The following LDLRAD3 variants were observed in gnomAD, a reference collection of about 807,000 sequenced individuals.
LDLRAD3 encodes low-density lipoprotein receptor class A domain-containing protein 3.
In LDLRAD3, 20 loss-of-function variants were observed where a neutral mutation model predicts 29.4. The observed-to-expected ratio is 0.68, with a 90% CI of 0.48 to 0.99. The LOEUF is 0.99. LDLRAD3 is among the 50% of genes least tolerant of loss of function. The pLI is 0.00. For missense variants in LDLRAD3, 420 were observed against 454.3 expected (o/e 0.92, Z 0.69); for synonymous variants, 157 against 192.7 (o/e 0.81, Z 1.53).
chr11:36,007,670 A>G (rs947906374), intron 1 of LDLRAD3, among the ~76,000 whole-genome samples: 1 of 152,210 alleles, frequency 6.6e-6, no homozygotes, highest in East Asian at 1.9e-4. Context: ...CTTATGGTCC[A>G]TTTTATGAGC....
chr11:36,189,577 T>C (rs1309329056), intron 4 of LDLRAD3, among the ~76,000 whole-genome samples: 2 of 124,146 alleles, frequency 1.6e-5, no homozygotes, highest in Non-Finnish European at 3.5e-5. Context: ...ACGAATTTAC[T>C]TTTTTTTTAT....
intron 1 of LDLRAD3, among the ~76,000 whole-genome samples, chr11:36,030,439 TG>T (rs1852222387): frequency 3.5e-3 from 4 of 1,158 alleles, no homozygotes; most frequent in African/African-American, 0.01. Flanking sequence ...GCATGGAGTG[TG>T]TGTGTGTGTG....
intron 2 of LDLRAD3, among the ~76,000 whole-genome samples, chr11:36,048,436 C>T (rs1444229361): frequency 4.6e-5 from 7 of 152,224 alleles, no homozygotes; most frequent in South Asian, 2.1e-4. Context: ...CCTGGGGTCC[C>T]GGTGCTCCCT....
At chr11:36,198,064 A>G (rs2133371819) in intron 4 of LDLRAD3, among the ~76,000 whole-genome samples, 1 of 152,194 alleles carries the variant, frequency 6.6e-6, no homozygotes, top group South Asian at 2.1e-4. Flanking sequence ...AAAATACCAA[A>G]CAAACAGAAG....
At chr11:36,145,365 C>T (rs1465311162) in intron 4 of LDLRAD3, among the ~76,000 whole-genome samples, 2 of 100,006 alleles carry the variant, frequency 2.0e-5, no homozygotes, top group African/African-American at 9.5e-5. Flanking sequence ...GCCAGCCGCC[C>T]CGTCTGGGAG....
chr11:36,095,489 T>C (rs978542321), intron 3 of LDLRAD3, among the ~76,000 whole-genome samples: 6 of 152,236 alleles, frequency 3.9e-5, no homozygotes, highest in Non-Finnish European at 8.8e-5. Context: ...TGGCCCTTTT[T>C]TTCTATTGAG....
Position 35,977,218 on chromosome 11 carries a change from C to T in LDLRAD3, c.46+33074C>T, listed in dbSNP as rs116405445. On this transcript the variant is annotated intron_variant, in intron 1 of 5. Transcript: ENST00000315571. ...TGGCCCAAGATGACTGCTTGAATACCAGCCATGTCATCTGAATTCCAGTTG... is the reference window on the plus strand; with the variant it reads ...TGGCCCAAGATGACTGCTTGAATACTAGCCATGTCATCTGAATTCCAGTTG... 5.1e-3 allele frequency among the ~76,000 whole-genome samples: 773 copies of T among 152,232 alleles called. 10 individuals are homozygous for T. Among genetic ancestry groups the T allele is most frequent in the African/African-American group, 0.018 (737 of 41,548 alleles).
At chr11:35,960,384 T>C (rs989003100) in intron 1 of LDLRAD3, among the ~76,000 whole-genome samples, 2 of 152,206 alleles carry the variant, frequency 1.3e-5, no homozygotes, top group African/African-American at 4.8e-5. Context: ...TATAATAATA[T>C]CCTTGAAGTA....
intron 4 of LDLRAD3, among the ~76,000 whole-genome samples, chr11:36,162,968 A>T (rs1310091984): frequency 6.6e-6 from 1 of 152,190 alleles, no homozygotes; most frequent in Admixed American, 6.5e-5. Context: ...CCAAATACAG[A>T]CCCAAGAGAC....
intron 1 of LDLRAD3, among the ~76,000 whole-genome samples, chr11:35,964,429 T>TG (rs1851313964): frequency 6.6e-6 from 1 of 152,040 alleles, no homozygotes; most frequent in Admixed American, 6.6e-5. Context: ...CTTTGGTAGA[T>TG]GGGGTAGTGA....
At chr11:36,123,338 G>A (rs1325672206) in intron 4 of LDLRAD3, among the ~76,000 whole-genome samples, 2 of 152,188 alleles carry the variant, frequency 1.3e-5, no homozygotes, top group East Asian at 1.9e-4. Context: ...TCAGCTAATC[G>A]TAGCTCACCA....
chr11:36,024,805 G>T (rs1852142572), intron 1 of LDLRAD3, among the ~76,000 whole-genome samples: 1 of 152,232 alleles, frequency 6.6e-6, no homozygotes, highest in Non-Finnish European at 1.5e-5. Context: ...GCAGCCCCAT[G>T]TTGAGGGGCG....
intron 1 of LDLRAD3, among the ~76,000 whole-genome samples, chr11:35,957,909 C>A (rs1018250097): frequency 1.3e-5 from 2 of 151,752 alleles, no homozygotes; most frequent in Non-Finnish European, 1.5e-5. Context: ...ACAGAAATTA[C>A]CCGTTGACTC....
intron 4 of LDLRAD3, among the ~76,000 whole-genome samples, chr11:36,201,123 G>T (rs897288716): frequency 2.0e-5 from 3 of 152,196 alleles, no homozygotes; most frequent in African/African-American, 7.2e-5. Flanking sequence ...GAAGGTAGAA[G>T]TGTGATGGAG....
At chr11:36,052,668 A>T (rs11033388) in intron 2 of LDLRAD3, among the ~76,000 whole-genome samples, 50,914 of 152,100 alleles carry the variant, frequency 0.33, 9,485 homozygotes, top group Middle Eastern at 0.44. Flanking sequence ...TATCTGTGAA[A>T]TAGGGAAATA....
chr11:36,021,929 C>A (rs971759529), intron 1 of LDLRAD3, among the ~76,000 whole-genome samples: 1 of 152,122 alleles, frequency 6.6e-6, no homozygotes, highest in African/African-American at 2.4e-5. Flanking sequence ...AGATTACAGG[C>A]GTGAGCCACT....
intron 1 of LDLRAD3, among the ~76,000 whole-genome samples, chr11:36,029,960 T>C (rs1304730724): frequency 6.6e-6 from 1 of 152,164 alleles, no homozygotes; most frequent in Admixed American, 6.5e-5. Context: ...GCAGTGTAAA[T>C]ATGAAATCTG....
chr11:36,075,088 G>C (rs1048631551), intron 2 of LDLRAD3, among the ~76,000 whole-genome samples: 1 of 152,122 alleles, frequency 6.6e-6, no homozygotes, highest in Admixed American at 6.5e-5. Flanking sequence ...TTTTCTGCTG[G>C]AAGTCTGGAA....
chr11:36,143,280 C>G (rs541845600), intron 4 of LDLRAD3, among the ~76,000 whole-genome samples: 20 of 152,328 alleles, frequency 1.3e-4, no homozygotes, highest in Middle Eastern at 3.4e-3. Flanking sequence ...TTAAAAGTCA[C>G]AAAGAACTCC....
Sources: allele counts gnomAD v4.1 joint callset (sites outside exome capture counted in the v4.1 genomes callset), GRCh38; gene constraint gnomAD v4.1.1; transcripts MANE v1.5; gene names NCBI Gene and HGNC (gene_info 2026-07-23, HGNC 2026-07-21).